Variants in KIAA1217 observed in about 807,000 individuals in gnomAD.
KIAA1217 encodes sickle tail protein homolog.
KIAA1217 carries 88 observed loss-of-function variants against 163.9 expected under a neutral mutation model. The ratio of observed to expected loss-of-function variants is 0.54; its 90% CI spans 0.45 to 0.64. The LOEUF (loss-of-function observed/expected upper bound fraction) is 0.64, where lower values mean the gene tolerates loss of function less well. Among genes scored for constraint, KIAA1217 ranks in the 30% least tolerant of loss-of-function variants. KIAA1217 has a pLI of 0.00. For missense variants in KIAA1217, 2,372 were observed against 2,475.0 expected, an observed-to-expected ratio of 0.96 and a Z score of 0.88; for synonymous variants, 903 against 923.1, an observed-to-expected ratio of 0.98 and a Z score of 0.39.
rs553163350 is a variant in KIAA1217, at chr10:23,748,499, A to G, written c.-321+53265A>G. ...AAGGAAGGAAGGAAGGAAAGAAGGG[A>G]AAGGAGAGGAGAGGAGAGGAAAGGA... On this transcript the variant is annotated intron_variant, in intron 1 of 18. Transcript: ENST00000376462. 1.8e-4 allele frequency among the ~76,000 whole-genome samples: 24 copies of G among 136,832 alleles called. No individual in the cohort carries two copies. In the East Asian group the frequency reaches 5.3e-3, roughly 30 times the overall value. The allele number at this position is 136,832 out of a possible 152,430, so 89.8% of individuals were successfully genotyped here.
chr10:24,436,304 A>G (rs1294202353), intron 4 of KIAA1217, among the ~76,000 whole-genome samples: 6 of 152,218 alleles, frequency 3.9e-5, no homozygotes, highest in African/African-American at 1.4e-4. Flanking sequence ...TCAAATGTAG[A>G]CAATGTTTTA....
rs542478412 is a variant in KIAA1217, at chr10:24,147,921, T to C, written c.-170-71705T>C. On this transcript the variant is annotated intron_variant, in intron 2 of 18. Transcript: ENST00000376462. ...TCTACCCTGTGTCTAGATTCGCATT[T>C]TCAATTATGTACTTTGCAAGATTCA... 2.6e-5 allele frequency among the ~76,000 whole-genome samples: 4 copies of C among 151,634 alleles called. No homozygotes were observed. In the South Asian group the frequency reaches 8.3e-4, roughly 32 times the overall value.
At chr10:24,050,726 G>A (rs903417366) in intron 2 of KIAA1217, among the ~76,000 whole-genome samples, 2 of 152,084 alleles carry the variant, frequency 1.3e-5, no homozygotes, top group South Asian at 4.1e-4. Flanking sequence ...ATAGTTTGAA[G>A]TAAATTATCT....
intron 2 of KIAA1217, among the ~76,000 whole-genome samples, chr10:24,146,522 C>A (rs1328666608): frequency 6.6e-6 from 1 of 151,906 alleles, no homozygotes; most frequent in Non-Finnish European, 1.5e-5. Context: ...CCCAGCTCTA[C>A]AAAAAATACA....
intron 1 of KIAA1217, among the ~76,000 whole-genome samples, chr10:23,768,734 ACC>A (rs1834660109): frequency 2.6e-5 from 4 of 152,150 alleles, no homozygotes; most frequent in Non-Finnish European, 5.9e-5. Context: ...TTGTCTCTTT[ACC>A]ATTTAGCACA....
chr10:23,709,353 G>A (rs182800246), intron 1 of KIAA1217, among the ~76,000 whole-genome samples: 9 of 151,706 alleles, frequency 5.9e-5, no homozygotes, highest in East Asian at 1.9e-4. Context: ...GCAAGACCTC[G>A]TCTTTATAAA....
intron 1 of KIAA1217, among the ~76,000 whole-genome samples, chr10:23,869,022 A>C (rs1840324134): frequency 6.6e-6 from 1 of 151,874 alleles, no homozygotes. Context: ...TTCTGTAAAA[A>C]CACAAATTTT....
chr10:23,729,025 G>A (rs1838326477), intron 1 of KIAA1217, among the ~76,000 whole-genome samples: 1 of 152,066 alleles, frequency 6.6e-6, no homozygotes. Context: ...TTTTCAGAAT[G>A]TCATACAGTT....
At chr10:24,179,706 A>C (rs1403567191) in intron 2 of KIAA1217, among the ~76,000 whole-genome samples, 2 of 152,062 alleles carry the variant, frequency 1.3e-5, no homozygotes, top group African/African-American at 4.8e-5. Flanking sequence ...CTTGTCCCTC[A>C]GCCACCCAAG....
chr10:24,210,500 C>T (rs1345483523), intron 1 of KIAA1217, among the ~76,000 whole-genome samples: 1 of 141,192 alleles, frequency 7.1e-6, no homozygotes. Flanking sequence ...AGGACAGGAT[C>T]CTACTTCAGG....
At chr10:24,025,302 T>C (rs968765621) in intron 2 of KIAA1217, among the ~76,000 whole-genome samples, 5 of 151,706 alleles carry the variant, frequency 3.3e-5, no homozygotes, top group African/African-American at 1.2e-4. Context: ...CCTTGGTACC[T>C]TCTTCAAAAA....
intron 3 of KIAA1217, among the ~76,000 whole-genome samples, chr10:24,417,601 AC>A (rs1976331350): frequency 6.6e-6 from 1 of 151,918 alleles, no homozygotes; most frequent in African/African-American, 2.4e-5. Context: ...AGGACAGGGA[AC>A]CCCCGTGGAC....
At chr10:24,294,669 T>C (rs1023853408) in intron 2 of KIAA1217, among the ~76,000 whole-genome samples, 5 of 152,214 alleles carry the variant, frequency 3.3e-5, no homozygotes, top group African/African-American at 1.2e-4. Context: ...GCAAGCTTTT[T>C]CCTTAGAAAA....
At chr10:23,812,929 A>G (rs1248858993) in intron 1 of KIAA1217, among the ~76,000 whole-genome samples, 1 of 151,984 alleles carries the variant, frequency 6.6e-6, no homozygotes, top group Non-Finnish European at 1.5e-5. Context: ...TTTTGTGTGG[A>G]CCTATGTTTT....
At chr10:24,320,815 G>A (rs1431321893) in intron 2 of KIAA1217, among the ~76,000 whole-genome samples, 12 of 152,084 alleles carry the variant, frequency 7.9e-5, no homozygotes, top group African/African-American at 2.9e-4. Context: ...AGGCTGAGGC[G>A]GGCGGATCAC....
rs749941691 is a variant in KIAA1217, at chr10:24,433,209, A to G, written c.752+16A>G. 8 of 1,585,824 alleles carry G rather than the reference A, an allele frequency of 5.0e-6. No individual in the cohort carries two copies. The African/African-American group carries it at 5.4e-5, about 11-fold the overall frequency. Reference sequence around the variant, plus strand: ...ATGATGTAAGGTAAGTTGTGACATCATTTTTTGCCTGCCATTTTGCCTTAG... The same window carrying G: ...ATGATGTAAGGTAAGTTGTGACATCGTTTTTTGCCTGCCATTTTGCCTTAG... On this transcript the variant is annotated intron_variant, in intron 4 of 20. Transcript: ENST00000376454.
intron 1 of KIAA1217, among the ~76,000 whole-genome samples, chr10:23,749,037 A>C (rs1379321193): frequency 6.6e-6 from 1 of 152,096 alleles, no homozygotes; most frequent in African/African-American, 2.4e-5. Context: ...TACCACATCT[A>C]ACATTTTTGT....
intron 1 of KIAA1217, among the ~76,000 whole-genome samples, chr10:23,955,993 C>T (rs147644636): frequency 9.0e-4 from 137 of 152,248 alleles, no homozygotes; most frequent in African/African-American, 3.2e-3. Flanking sequence ...CCTTTTCTAG[C>T]TGAACAGAGA....
At chr10:24,104,302 G>T (rs2062536057) in intron 2 of KIAA1217, among the ~76,000 whole-genome samples, 1 of 152,060 alleles carries the variant, frequency 6.6e-6, no homozygotes, top group Non-Finnish European at 1.5e-5. Context: ...ATAAACCATG[G>T]TATATCCAGA....
Sources: allele counts gnomAD v4.1 joint callset (sites outside exome capture counted in the v4.1 genomes callset), GRCh38; gene constraint gnomAD v4.1.1; transcripts MANE v1.5; gene names NCBI Gene and HGNC (gene_info 2026-07-23, HGNC 2026-07-21).